ST18: variants seen among roughly 807,000 people sequenced by gnomAD.
ST18 encodes suppression of tumorigenicity 18 protein.
In ST18, 50 loss-of-function variants were observed where a neutral mutation model predicts 110.0. That is an observed-to-expected ratio of 0.45 (90% CI 0.36 to 0.58). The LOEUF is 0.58. ST18 is among the 20% of genes least tolerant of loss of function. ST18 has a pLI of 0.00. For synonymous variants in ST18, 461 were observed against 452.4 expected (o/e 1.02, Z -0.24); for missense variants, 1,306 against 1,280.1 (o/e 1.02, Z -0.31).
intron 2 of ST18, among the ~76,000 whole-genome samples, chr8:52,274,777 A>T (rs979062309): frequency 6.6e-6 from 1 of 152,204 alleles, no homozygotes; most frequent in Non-Finnish European, 1.5e-5. Flanking sequence ...CCAGATTTCC[A>T]GTCATGTTTT....
intron 2 of ST18, among the ~76,000 whole-genome samples, chr8:52,291,194 T>C (rs901671987): frequency 5.3e-5 from 8 of 152,328 alleles, no homozygotes; most frequent in African/African-American, 1.9e-4. Flanking sequence ...CCCTACCTAG[T>C]AGGTGTCACC....
chr8:52,146,485 T>C (rs541422139), intron 16 of ST18, among the ~76,000 whole-genome samples: 156 of 152,232 alleles, frequency 1.0e-3, no homozygotes, highest in African/African-American at 3.7e-3. Flanking sequence ...TTTTTTTTCT[T>C]TGTTGTAGGG....
At chr8:52,288,910 T>C (rs1012563357) in intron 2 of ST18, among the ~76,000 whole-genome samples, 15 of 152,050 alleles carry the variant, frequency 9.9e-5, no homozygotes, top group African/African-American at 3.4e-4. Context: ...GTGTGGGCTT[T>C]GCTGACTCCA....
chr8:52,398,975 CTG>C (rs746037900), intron 2 of ST18, among the ~76,000 whole-genome samples: 11 of 151,942 alleles, frequency 7.2e-5, no homozygotes, highest in Non-Finnish European at 1.2e-4. Flanking sequence ...GAAGTATTGT[CTG>C]TATCTCTATT....
At chr8:52,336,656 T>C (rs1040493132) in intron 2 of ST18, among the ~76,000 whole-genome samples, 1 of 152,064 alleles carries the variant, frequency 6.6e-6, no homozygotes, top group Non-Finnish European at 1.5e-5. Context: ...CCAAGTGAGG[T>C]TGGGTGAGAT....
chr8:52,318,087 A>G (rs1332502598), intron 2 of ST18, among the ~76,000 whole-genome samples: 4 of 152,238 alleles, frequency 2.6e-5, no homozygotes, highest in African/African-American at 2.4e-5. Flanking sequence ...AATAGAGTAA[A>G]TGCACAACCT....
chr8:52,124,377 T>C (rs2046174782), intron 23 of ST18, among the ~76,000 whole-genome samples: 1 of 152,090 alleles, frequency 6.6e-6, no homozygotes, highest in African/African-American at 2.4e-5. Context: ...GGTTTCACCA[T>C]GTTGGCCAGT....
intron 2 of ST18, among the ~76,000 whole-genome samples, chr8:52,237,501 T>C (rs1400857770): frequency 6.6e-6 from 1 of 152,202 alleles, no homozygotes. Context: ...ACCTCAGTGC[T>C]TGCCTGGGGT....
intron 2 of ST18, among the ~76,000 whole-genome samples, chr8:52,350,273 G>T (rs540879682): frequency 1.3e-5 from 2 of 152,104 alleles, no homozygotes; most frequent in Admixed American, 1.3e-4. Context: ...ATTCTATGAC[G>T]GACAGAGGGA....
At chr8:52,171,721 A>G in intron 10 of ST18, 71 bp downstream of exon 10, 1 of 1,532,236 alleles carries the variant, frequency 6.5e-7, no homozygotes, top group Non-Finnish European at 8.9e-7. Flanking sequence ...GAAAAAAATA[A>G]TCAAATCTGA....
intron 2 of ST18, among the ~76,000 whole-genome samples, chr8:52,361,014 A>G (rs2140442549): frequency 6.6e-6 from 1 of 152,322 alleles, no homozygotes; most frequent in East Asian, 1.9e-4. Flanking sequence ...AAAGCCTTCC[A>G]TTGTGAGTTT....
In ST18 at chr8:52,268,454, G is replaced by A. The variant is rs529256625; in HGVS notation, c.-464-38377C>T. On this transcript the variant is annotated intron_variant, in intron 2 of 25. Transcript: ENST00000689386. ...AAGAGCTTCTGTCTATCTATCTATC[G>A]TCTATCTATCTATCATCTATCTATC... Among the ~76,000 whole-genome samples, 24 of 146,810 alleles carry A rather than the reference G, an allele frequency of 1.6e-4. 1 individual carries two copies. In the East Asian group the frequency reaches 2.4e-3, roughly 15 times the overall value.
rs143842662 is a variant in ST18, at chr8:52,304,736, C to T, written c.-464-74659G>A. On this transcript the variant is annotated intron_variant, in intron 2 of 25. Transcript: ENST00000689386. ...AATTTGTTTTTCACAGTTCTGAAGA[C>T]GGTAAAGTTCAAGATCAAGCTCCTG... 8.2e-3 allele frequency among the ~76,000 whole-genome samples: 1,248 copies of T among 152,204 alleles called. 15 individuals are homozygous for T. Among genetic ancestry groups the T allele is most frequent in the African/African-American group, 0.029 (1,183 of 41,506 alleles).
At chr8:52,352,266 G>A (rs1820709591) in intron 2 of ST18, among the ~76,000 whole-genome samples, 1 of 152,156 alleles carries the variant, frequency 6.6e-6, no homozygotes, top group Non-Finnish European at 1.5e-5. Flanking sequence ...TGCACTTGGC[G>A]CGGACAAGAC....
chr8:52,216,814 A>C (rs1352314537), intron 6 of ST18, among the ~76,000 whole-genome samples: 4 of 152,176 alleles, frequency 2.6e-5, no homozygotes. Context: ...TTTTTGTAAA[A>C]TCAGGCCTCA....
At chr8:52,312,257 T>C (rs978141103) in intron 2 of ST18, among the ~76,000 whole-genome samples, 3 of 152,184 alleles carry the variant, frequency 2.0e-5, no homozygotes, top group African/African-American at 4.8e-5. Flanking sequence ...AGGGTCCAGA[T>C]GTGGAGAGGG....
chr8:52,360,848 G>A (rs1054431048), intron 2 of ST18, among the ~76,000 whole-genome samples: 1 of 152,230 alleles, frequency 6.6e-6, no homozygotes, highest in Admixed American at 6.5e-5. Context: ...ACAAGCAAGC[G>A]ATGTTTTGCC....
Position 52,336,252 on chromosome 8 carries a change from G to A in ST18, c.-465+73076C>T, listed in dbSNP as rs373509322. Among the ~76,000 whole-genome samples, 39 of 152,154 alleles carry A rather than the reference G, an allele frequency of 2.6e-4. 1 individual carries two copies. The highest frequency in any genetic ancestry group is 8.0e-4 in the African/African-American group (33 of 41,500). The stretch of plus-strand genomic sequence containing the variant: ...CAACCTCTGCCTTCCGGGTTCAAGC[G>A]ATTCTCCTGCCTCAAGCCTCCCAGG... On this transcript the variant is annotated intron_variant, in intron 2 of 25. Transcript: ENST00000689386.
At position 52,409,423 on chromosome 8, in the gene ST18, C is replaced by T. The variant is rs1488379816; in HGVS notation, c.-560G>A. 2 of 152,158 alleles carry T rather than the reference C, an allele frequency of 1.3e-5. No homozygotes were observed. The highest frequency in any genetic ancestry group is 2.9e-5 in the Non-Finnish European group (2 of 68,036). 9.4% of individuals were successfully genotyped at this position (152,158 alleles called of 1,614,324 possible). On this transcript the variant is annotated 5_prime_UTR_variant, in exon 2 of 26. In the 5' UTR this introduces an upstream ATG that the reference lacks. Coordinates refer to ENST00000689386, the MANE Select transcript of ST18 (RefSeq NM_001352837.2). ...TGCTATTTCTCTTAGGATTTCTCCA[C>T]GCTGCCCCATTCAGAAATTTTATTA... is the stretch of plus-strand genomic sequence containing the variant.
Sources: gnomAD v4.1 joint callset for allele counts (sites outside exome capture counted in the v4.1 genomes callset) on GRCh38, gnomAD v4.1.1 for gene constraint, MANE v1.5 for transcripts, NCBI Gene and HGNC (gene_info 2026-07-23, HGNC 2026-07-21) for gene names.